The following PHGDH variants were observed in gnomAD, a reference collection of about 807,000 sequenced individuals.
The protein encoded by PHGDH is phosphoglycerate dehydrogenase.
In PHGDH, 50 loss-of-function variants were observed where a neutral mutation model predicts 52.6. That is an observed-to-expected ratio of 0.95 (90% CI 0.76 to 1.20). The LOEUF (loss-of-function observed/expected upper bound fraction) is 1.20, where lower values mean the gene tolerates loss of function less well. PHGDH is among the 50% of genes most tolerant of loss of function. The probability of loss-of-function intolerance (pLI) is 0.00; values close to 1 mark genes in which losing one functional copy is unlikely to be tolerated. For missense variants in PHGDH, 630 were observed against 684.6 expected (o/e 0.92, Z 0.89); for synonymous variants, 271 against 280.5 (o/e 0.97, Z 0.34).
At chr1:119,743,583 A>G (rs587646344) in intron 11 of PHGDH, among the ~76,000 whole-genome samples, 6 of 152,298 alleles carry the variant, frequency 3.9e-5, no homozygotes, top group Admixed American at 2.0e-4. Context: ...TAATTTCACC[A>G]TTCTTTCTGG....
chr1:119,720,667 T>A (rs1651107661), intron 1 of PHGDH: 2 of 208,270 alleles, frequency 9.6e-6, no homozygotes, highest in South Asian at 1.7e-4. Flanking sequence ...GCCTGACCAA[T>A]GGCAGAACCT....
intron 3 of PHGDH, 189 bp from the exon 4 acceptor site, chr1:119,726,662 T>A: frequency 4.7e-6 from 3 of 644,678 alleles, no homozygotes; most frequent in Non-Finnish European, 8.5e-6. Flanking sequence ...CTAAGTCAGA[T>A]CTTGCCAAGG....
rs763573122 is a variant in PHGDH, at chr1:119,712,200, C to G, written c.138+40C>G. The G allele has an allele frequency of 2.5e-6, 4 of 1,599,054 alleles. No individual in the cohort carries two copies. In the East Asian group the frequency reaches 6.7e-5, roughly 27 times the overall value. On this transcript the variant is annotated intron_variant, in intron 1 of 11. Transcript: ENST00000641023. ...AGAAAATTGAGGTCTCTAGGGCAAC[C>G]TCCATGGAAAAAGGCTGGCTGCGCC...
intron 1 of PHGDH, among the ~76,000 whole-genome samples, chr1:119,716,080 C>G (rs1650920966): frequency 6.6e-6 from 1 of 152,036 alleles, no homozygotes. Flanking sequence ...AGGTTGGATT[C>G]AGGCTGTCTG....
chr1:119,741,328 C>A (rs866806495), intron 9 of PHGDH, among the ~76,000 whole-genome samples: 2 of 152,138 alleles, frequency 1.3e-5, no homozygotes, highest in Non-Finnish European at 2.9e-5. Flanking sequence ...GGTGTCCAAG[C>A]GCCGAAGGAA....
At chr1:119,736,660 G>A (rs1040444462) in intron 7 of PHGDH, among the ~76,000 whole-genome samples, 2 of 152,228 alleles carry the variant, frequency 1.3e-5, no homozygotes, top group Non-Finnish European at 2.9e-5. Flanking sequence ...AGTCCAGCAA[G>A]GCACATCGAC....
chr1:119,716,348 A>G (rs1314988686), intron 1 of PHGDH, among the ~76,000 whole-genome samples: 2 of 152,164 alleles, frequency 1.3e-5, no homozygotes, highest in African/African-American at 4.8e-5. Context: ...ATAAATCTTT[A>G]CAAGGGAGAT....
At position 119,719,781 on chromosome 1, in the gene PHGDH, CT is replaced by C. The variant is rs1357701306; in HGVS notation, c.139-1387del. 3.3e-5 allele frequency: 5 copies of C among 152,372 alleles called. No homozygotes were observed. In the South Asian group the frequency reaches 1.0e-3, roughly 32 times the overall value. The allele number at this position is 152,372 out of a possible 1,614,324, so 9.4% of individuals were successfully genotyped here. A position where few individuals can be genotyped will look rare whatever the true frequency, so the allele number is the denominator to read the frequency against. ...TGTGGGCCCTTACCCTAGAAGCCAA[CT>C]TCTCATGACCTTTCTCTATCTCCAG... On this transcript the variant is annotated intron_variant, in intron 1 of 11. Transcript: ENST00000641023.
At chr1:119,742,013 G>A in intron 10 of PHGDH, 116 bp downstream of exon 10, 1 of 872,760 alleles carries the variant, frequency 1.1e-6, no homozygotes, top group Non-Finnish European at 1.9e-6. Flanking sequence ...GCATCGGCCT[G>A]TCTACCTGTG....
intron 1 of PHGDH, among the ~76,000 whole-genome samples, chr1:119,715,495 T>C (rs949538357): frequency 2.0e-5 from 3 of 152,194 alleles, no homozygotes; most frequent in Admixed American, 6.5e-5. Context: ...CTGCCTTCCC[T>C]ATAGCTGGGG....
rs2101136517 is a variant in PHGDH at position 119,712,091 on chromosome 1, G to C, written c.69G>C (p.Leu23Phe). The change falls in exon 1 of 12, where the codon TTG (leucine) becomes TTC (phenylalanine). Residue 23 changes from leucine (L) to phenylalanine (F), a missense_variant. Coordinates refer to ENST00000641023, the MANE Select transcript of PHGDH (RefSeq NM_006623.4). ...DSLDPCCRKILQDGGLQVVEK... is the reference protein window; with the variant it reads ...DSLDPCCRKIFQDGGLQVVEK... ...TGGACCCTTGCTGCCGGAAGATCTT[G>C]CAAGATGGAGGGCTGCAGGTGGTGG... 1 of 1,614,146 alleles carries C rather than the reference G, an allele frequency of 6.2e-7. No homozygotes were observed.
At chr1:119,715,589 C>T (rs1374943225) in intron 1 of PHGDH, among the ~76,000 whole-genome samples, 1 of 152,188 alleles carries the variant, frequency 6.6e-6, no homozygotes, top group Admixed American at 6.5e-5. Flanking sequence ...CTAGGCCAAG[C>T]TTGTCCCCTT....
At chr1:119,738,820 G>A (rs1434197844) in intron 8 of PHGDH, among the ~76,000 whole-genome samples, 1 of 152,116 alleles carries the variant, frequency 6.6e-6, no homozygotes, top group East Asian at 1.9e-4. Flanking sequence ...TGGGGAGGAG[G>A]GGGTGAGAGG....
intron 9 of PHGDH, 68 bp downstream of exon 9, chr1:119,740,586 G>A (rs1652154653): frequency 1.9e-5 from 26 of 1,356,570 alleles, no homozygotes; most frequent in Non-Finnish European, 2.7e-5. Flanking sequence ...GCCCTGCTGG[G>A]TGTATTTGCT....
At chr1:119,724,501 G>GA (rs1651314000) in intron 3 of PHGDH, 5 of 341,636 alleles carry the variant, frequency 1.5e-5, no homozygotes, top group Non-Finnish European at 2.8e-5. Flanking sequence ...GGGGAAAGGA[G>GA]AAACAGGGAT....
chr1:119,721,063 A>G, intron 1 of PHGDH, 107 bp from the exon 2 acceptor site: 1 of 1,038,002 alleles, frequency 9.6e-7, no homozygotes, highest in Non-Finnish European at 1.5e-6. Flanking sequence ...TGACTTCCTA[A>G]GGTTCCGGAA....
intron 3 of PHGDH, chr1:119,726,505 C>T (rs587731173): frequency 5.6e-5 from 24 of 427,144 alleles, no homozygotes; most frequent in African/African-American, 4.6e-4. Context: ...CAGAGTTGCC[C>T]AGTACCCCAC....
At chr1:119,718,033 A>G (rs949779865) in intron 1 of PHGDH, among the ~76,000 whole-genome samples, 12 of 152,318 alleles carry the variant, frequency 7.9e-5, no homozygotes, top group East Asian at 7.7e-4. Context: ...GCCACAGGCA[A>G]CTTGCTCTTC....
At position 119,739,327 on chromosome 1, in the gene PHGDH, G is replaced by A. The variant is rs377346020; in HGVS notation, c.946-1059G>A. 8 of 152,298 alleles carry A rather than the reference G, an allele frequency of 5.3e-5. No homozygotes were observed. In the East Asian group the frequency reaches 5.8e-4, roughly 11 times the overall value. 9.4% of individuals were successfully genotyped at this position (152,298 alleles called of 1,614,324 possible). On this transcript the variant is annotated intron_variant, in intron 8 of 11. Coordinates refer to ENST00000641023, the MANE Select transcript of PHGDH (RefSeq NM_006623.4). ...TCTGCTGCTGCAGGCCCTCAGCCCC[G>A]GCAGTGGCAGCATGGTGCTCCAGAT...
Sources: gnomAD v4.1 joint callset for allele counts (sites outside exome capture counted in the v4.1 genomes callset) on GRCh38, gnomAD v4.1.1 for gene constraint, MANE v1.5 for transcripts, NCBI Gene and HGNC (gene_info 2026-07-23, HGNC 2026-07-21) for gene names.